FGD4: variants seen among roughly 807,000 people sequenced by gnomAD.
FGD4 encodes FYVE, RhoGEF and PH domain-containing protein 4.
FGD4 carries 42 observed loss-of-function variants against 102.0 expected under a neutral mutation model. The ratio of observed to expected loss-of-function variants is 0.41; its 90% CI spans 0.32 to 0.53. FGD4 has a LOEUF of 0.53. FGD4 is among the 20% of genes least tolerant of loss of function. The pLI is 0.21. For missense variants in FGD4, 902 were observed against 1,078.2 expected, an observed-to-expected ratio of 0.84 and a Z score of 2.29; for synonymous variants, 380 against 375.7, an observed-to-expected ratio of 1.01 and a Z score of -0.13.
chr12:32,508,719 G>C (rs1325085631), intron 1 of FGD4, among the ~76,000 whole-genome samples: 2 of 152,242 alleles, frequency 1.3e-5, no homozygotes, highest in African/African-American at 4.8e-5. Context: ...CATGCTATAT[G>C]AAATAGAGTC....
At chr12:32,424,587 A>G (rs944171369) in intron 1 of FGD4, among the ~76,000 whole-genome samples, 1 of 152,150 alleles carries the variant, frequency 6.6e-6, no homozygotes, top group African/African-American at 2.4e-5. Flanking sequence ...TATATGCCCG[A>G]TAATGGGATT....
rs181689770 is a variant in FGD4, at chr12:32,438,904, G to A, written c.166+38945G>A. ...ATTACAGGCGTGAGCCACTGCGCCCGGCCCTACAACATGTTTTAAAATATG... is the reference window on the plus strand; with the variant it reads ...ATTACAGGCGTGAGCCACTGCGCCCAGCCCTACAACATGTTTTAAAATATG... On this transcript the variant is annotated intron_variant, in intron 1 of 16. Transcript: ENST00000534526. 4.2e-3 allele frequency among the ~76,000 whole-genome samples: 640 copies of A among 152,176 alleles called. 4 individuals carry two copies. The highest frequency in any genetic ancestry group is 7.0e-3 in the Non-Finnish European group (478 of 68,010).
intron 15 of FGD4, among the ~76,000 whole-genome samples, chr12:32,637,204 T>C (rs1592503854): frequency 6.6e-6 from 1 of 151,814 alleles, no homozygotes; most frequent in Non-Finnish European, 1.5e-5. Context: ...GCCAACAATT[T>C]TTATATTAGG....
intron 1 of FGD4, among the ~76,000 whole-genome samples, chr12:32,416,017 G>A (rs1221862326): frequency 5.9e-5 from 9 of 152,120 alleles, no homozygotes; most frequent in African/African-American, 2.2e-4. Context: ...GCCTCTCCAT[G>A]TCTTTGTGTT....
At chr12:32,610,226 C>G (rs1173805446) in intron 8 of FGD4, among the ~76,000 whole-genome samples, 1 of 152,192 alleles carries the variant, frequency 6.6e-6, no homozygotes, top group Admixed American at 6.5e-5. Flanking sequence ...ATTACTTCCC[C>G]ATTTCATTCA....
At chr12:32,474,966 G>A (rs567140306) in intron 1 of FGD4, among the ~76,000 whole-genome samples, 1 of 152,266 alleles carries the variant, frequency 6.6e-6, no homozygotes, top group South Asian at 2.1e-4. Flanking sequence ...GCGGGTATAT[G>A]TATCTGTGAA....
rs562196821 is a variant in FGD4, at chr12:32,537,044, G to A, written c.167-27093G>A. 1.0e-3 allele frequency among the ~76,000 whole-genome samples: 159 copies of A among 151,984 alleles called. 1 individual carries two copies. The highest frequency in any genetic ancestry group is 3.6e-3 in the African/African-American group (150 of 41,450). On this transcript the variant is annotated intron_variant, in intron 1 of 16. Coordinates refer to ENST00000534526, the MANE Select transcript of FGD4 (RefSeq NM_001370298.3). ...CTGCCTCAGCCTCCCGAGTAGCTGG[G>A]ACTACAGGCACCCGCCACCATGCCC...
chr12:32,404,741 AG>A (rs1304247013), intron 1 of FGD4, among the ~76,000 whole-genome samples: 2 of 152,116 alleles, frequency 1.3e-5, no homozygotes, highest in African/African-American at 4.8e-5. Flanking sequence ...TTTAAATAAA[AG>A]TATCTTTAGT....
chr12:32,603,559 G>A (rs949049243), intron 7 of FGD4, among the ~76,000 whole-genome samples: 48 of 151,368 alleles, frequency 3.2e-4, no homozygotes, highest in African/African-American at 1.0e-3. Flanking sequence ...CTAATTTTTT[G>A]TATTTTTAGT....
chr12:32,464,242 T>C (rs2136502494), intron 1 of FGD4, among the ~76,000 whole-genome samples: 1 of 152,272 alleles, frequency 6.6e-6, no homozygotes, highest in East Asian at 1.9e-4. Context: ...AACCTCCCTC[T>C]TCCTGGGTCA....
chr12:32,490,184 C>T (rs1404145162), intron 1 of FGD4, among the ~76,000 whole-genome samples: 1 of 152,102 alleles, frequency 6.6e-6, no homozygotes, highest in Non-Finnish European at 1.5e-5. Context: ...AGTGACTATC[C>T]TTTGCCCACT....
chr12:32,531,116 T>G (rs1485573749), intron 1 of FGD4, among the ~76,000 whole-genome samples: 2 of 151,684 alleles, frequency 1.3e-5, no homozygotes, highest in Non-Finnish European at 2.9e-5. Flanking sequence ...CATGCCCAGC[T>G]AATTTTTGTA....
rs1168911156 is a variant in FGD4, at chr12:32,644,961, C to A, written c.*4428C>A. On this transcript the variant is annotated 3_prime_UTR_variant, in exon 17 of 17. Coordinates refer to ENST00000534526, the MANE Select transcript of FGD4 (RefSeq NM_001370298.3). Reference sequence around the variant, plus strand: ...CTGAGCATTTGGCAGAATGCAGTATCTTTTCCTGTATTTTGACATGAAATA... The same window carrying A: ...CTGAGCATTTGGCAGAATGCAGTATATTTTCCTGTATTTTGACATGAAATA... The A allele has an allele frequency of 6.6e-6, 1 of 151,408 alleles. No homozygotes were observed. The highest frequency in any genetic ancestry group is 2.4e-5 in the African/African-American group (1 of 41,234). 9.4% of individuals were successfully genotyped at this position (151,408 alleles called of 1,614,324 possible).
chr12:32,603,706 A>T lies in FGD4; in HGVS notation c.1404+1389A>T, dbSNP rs1232844627. Among the ~76,000 whole-genome samples the T allele has an allele frequency of 4.3e-5, 6 of 140,844 alleles. No homozygotes were observed. The East Asian group carries it at 1.0e-3, about 25-fold the overall frequency. The allele number at this position is 140,844 out of a possible 152,430, so 92.4% of individuals were successfully genotyped here. The stretch of plus-strand genomic sequence containing the variant: ...GGCCTTTGTTTCTATAATGTTTATT[A>T]TTTTTTTTTTTTAGAGACAGGGTCT... On this transcript the variant is annotated intron_variant, in intron 7 of 16. Transcript: ENST00000534526.
chr12:32,429,085 A>G (rs1239830010), intron 1 of FGD4, among the ~76,000 whole-genome samples: 2 of 152,120 alleles, frequency 1.3e-5, no homozygotes, highest in East Asian at 3.9e-4. Context: ...AGGAGTTGTG[A>G]TCCTTCAGAG....
intron 4 of FGD4, among the ~76,000 whole-genome samples, chr12:32,586,554 G>T (rs942107013): frequency 2.0e-5 from 3 of 152,208 alleles, no homozygotes; most frequent in Admixed American, 1.3e-4. Flanking sequence ...GCATGGAAGT[G>T]ACATGATGAC....
At chr12:32,582,702 G>A in intron 4 of FGD4, 1 of 562,502 alleles carries the variant, frequency 1.8e-6, no homozygotes, top group South Asian at 2.2e-5. Flanking sequence ...TCAGGAGTCA[G>A]AACAGTGTGG....
At chr12:32,627,107 C>G (rs955829714) in intron 14 of FGD4, among the ~76,000 whole-genome samples, 1 of 151,418 alleles carries the variant, frequency 6.6e-6, no homozygotes, top group South Asian at 2.1e-4. Context: ...CTCGGCCTCC[C>G]AAAGTGCTGG....
intron 1 of FGD4, among the ~76,000 whole-genome samples, chr12:32,426,307 A>G (rs1285359330): frequency 6.6e-6 from 1 of 152,180 alleles, no homozygotes; most frequent in Non-Finnish European, 1.5e-5. Flanking sequence ...CCTTTTCTGC[A>G]TATATTGAGA....
Sources: gnomAD v4.1 joint callset for allele counts (sites outside exome capture counted in the v4.1 genomes callset) on GRCh38, gnomAD v4.1.1 for gene constraint, MANE v1.5 for transcripts, NCBI Gene and HGNC (gene_info 2026-07-23, HGNC 2026-07-21) for gene names.